N4BP2L1: variants seen among roughly 807,000 people sequenced by gnomAD.
The protein encoded by N4BP2L1 is NEDD4-binding protein 2-like 1.
In N4BP2L1, 12 loss-of-function variants were observed where a neutral mutation model predicts 21.2. The ratio of observed to expected loss-of-function variants is 0.57; its 90% CI spans 0.36 to 0.92. The LOEUF (loss-of-function observed/expected upper bound fraction) is 0.92. N4BP2L1 is among the 40% of genes least tolerant of loss of function. N4BP2L1 has a pLI of 0.01. For missense variants in N4BP2L1, 259 were observed against 310.6 expected (o/e 0.83, Z 1.25); for synonymous variants, 104 against 112.8 (o/e 0.92, Z 0.49).
In N4BP2L1 at chr13:32,427,787, G is replaced by A. The variant is rs1018575102; in HGVS notation, c.179+117C>T. On this transcript the variant is annotated intron_variant, in intron 1 of 4. Coordinates refer to ENST00000380130, the MANE Select transcript of N4BP2L1 (RefSeq NM_052818.3). ...TGGGGCTGGGGCCGGGGCCGCGGCA[G>A]GCACCCGCGGCGGGGGCGCAAGCGG... 7.9e-5 allele frequency: 43 copies of A among 545,396 alleles called. 1 individual carries two copies. The allele number at this position is 545,396 out of a possible 1,614,324, so 33.8% of individuals were successfully genotyped here.
At chr13:32,405,508 TCTAAA>T (rs2073422191) in intron 3 of N4BP2L1, among the ~76,000 whole-genome samples, 2 of 151,794 alleles carry the variant, frequency 1.3e-5, no homozygotes, top group Admixed American at 1.3e-4. Flanking sequence ...AGACTCTCTC[TCTAAA>T]CAAAACAAAA....
Position 32,402,824 on chromosome 13 carries a change from CT to C in N4BP2L1, c.*117del. 3.5e-6 allele frequency: 5 copies of C among 1,440,744 alleles called. No homozygotes were observed. 89.2% of individuals were successfully genotyped at this position (1,440,744 alleles called of 1,614,324 possible). Reference sequence around the variant, plus strand: ...TGAATATAATGACTTTGCTCAGAAACTTTTGAGTTCAGCTATTTACACTGGA... The same window carrying C: ...TGAATATAATGACTTTGCTCAGAAACTTTGAGTTCAGCTATTTACACTGGA... On this transcript the variant is annotated 3_prime_UTR_variant, in exon 5 of 5. Transcript: ENST00000380130.
Position 32,402,816 on chromosome 13 carries a change from C to T in N4BP2L1, c.*126G>A. ...GAAGAAAGTGAATATAATGACTTTG[C>T]TCAGAAACTTTTGAGTTCAGCTATT... On this transcript the variant is annotated 3_prime_UTR_variant, in exon 5 of 5. Coordinates refer to ENST00000380130, the MANE Select transcript of N4BP2L1 (RefSeq NM_052818.3). The T allele has an allele frequency of 7.0e-7, 1 of 1,428,326 alleles. No individual in the cohort carries two copies. The highest frequency in any genetic ancestry group is 9.2e-7 in the Non-Finnish European group (1 of 1,087,830). The allele number at this position is 1,428,326 out of a possible 1,614,324, so 88.5% of individuals were successfully genotyped here.
chr13:32,419,164 G>T (rs1243200124), intron 1 of N4BP2L1, among the ~76,000 whole-genome samples: 2 of 151,292 alleles, frequency 1.3e-5, no homozygotes, highest in Non-Finnish European at 2.9e-5. Flanking sequence ...AATTACCTCC[G>T]ATGGGAGGTA....
At chr13:32,411,421 AGTAGCATGTTGAATAGG>A (rs2073852799) in intron 1 of N4BP2L1, 1 of 619,016 alleles carries the variant, frequency 1.6e-6, no homozygotes, top group African/African-American at 2.0e-5. Context: ...TAGCAGCCAT[AGTAGCATGTTGAATAGG>A]CAGGACAATA....
intron 1 of N4BP2L1, among the ~76,000 whole-genome samples, chr13:32,426,593 T>A (rs2074777792): frequency 6.6e-6 from 1 of 152,146 alleles, no homozygotes; most frequent in African/African-American, 2.4e-5. Context: ...AGGCTGTCCC[T>A]CCTCCTAAGG....
At chr13:32,419,402 T>G (rs1417529250) in intron 1 of N4BP2L1, 1 of 407,440 alleles carries the variant, frequency 2.5e-6, no homozygotes, top group Admixed American at 3.2e-5. Context: ...CTTGCCACCA[T>G]GCTTGGCTAA....
upstream of N4BP2L1, among the ~76,000 whole-genome samples, chr13:32,429,262 G>T (rs2074931992): frequency 6.6e-6 from 1 of 152,204 alleles, no homozygotes; most frequent in Non-Finnish European, 1.5e-5. Context: ...TTCCCCTTGG[G>T]ATTTCCCTCT....
chr13:32,412,835 G>T (rs1040100953), intron 1 of N4BP2L1, among the ~76,000 whole-genome samples: 3 of 152,104 alleles, frequency 2.0e-5, no homozygotes, highest in Non-Finnish European at 4.4e-5. Context: ...ACTCCGCAGG[G>T]CCTGTCATCC....
chr13:32,427,725 G>T (rs1012777750), intron 1 of N4BP2L1, among the ~76,000 whole-genome samples, 179 bp downstream of exon 1: 1 of 151,976 alleles, frequency 6.6e-6, no homozygotes, highest in South Asian at 2.1e-4. Context: ...GAGGGAGGCG[G>T]CTCGGGCTCC....
chr13:32,424,340 G>A (rs118050644), intron 1 of N4BP2L1, among the ~76,000 whole-genome samples: 1,524 of 152,228 alleles, frequency 0.01, 57 homozygotes, highest in Admixed American at 0.075. Context: ...CTCAAGAACC[G>A]TCTCCATGTG....
chr13:32,407,063 T>A (rs527397859), intron 3 of N4BP2L1, 187 bp downstream of exon 3: 9 of 608,384 alleles, frequency 1.5e-5, no homozygotes, highest in South Asian at 1.4e-4. Context: ...GAGATTAGCA[T>A]CTCAGCAAAC....
At chr13:32,412,082 A>G (rs206319) in intron 1 of N4BP2L1, among the ~76,000 whole-genome samples, 46,755 of 151,466 alleles carry the variant, frequency 0.31, 7,373 homozygotes, top group South Asian at 0.39. Context: ...CAGGGACCAA[A>G]CAAGATCCCC....
upstream of N4BP2L1, among the ~76,000 whole-genome samples, chr13:32,428,677 T>C (rs1467538759): frequency 3.3e-5 from 5 of 152,252 alleles, no homozygotes; most frequent in African/African-American, 1.2e-4. Context: ...TAGAAAGCTT[T>C]GTTGCCGCTA....
intron 1 of N4BP2L1, among the ~76,000 whole-genome samples, chr13:32,427,210 G>A (rs2074822112): frequency 6.6e-6 from 1 of 152,232 alleles, no homozygotes; most frequent in Admixed American, 6.5e-5. Flanking sequence ...AGTGACGGTC[G>A]GTGGTGGCGC....
upstream of N4BP2L1, chr13:32,428,205 C>G: frequency 2.0e-6 from 2 of 1,019,156 alleles, no homozygotes; most frequent in Non-Finnish European, 2.6e-6. Context: ...GCTGGGAGCC[C>G]AGCCCCTCCT....
At chr13:32,412,583 T>C (rs1205043863) in intron 1 of N4BP2L1, among the ~76,000 whole-genome samples, 3 of 149,048 alleles carry the variant, frequency 2.0e-5, no homozygotes, top group Non-Finnish European at 4.4e-5. Context: ...GCCAAGACCG[T>C]GCCACTACAC....
intron 1 of N4BP2L1, chr13:32,411,898 G>A (rs1434429942): frequency 2.7e-6 from 1 of 370,070 alleles, no homozygotes; most frequent in Non-Finnish European, 3.7e-6. Flanking sequence ...AAATTTTCAA[G>A]CATGCAAAAG....
chr13:32,407,356 A>G lies in N4BP2L1; in HGVS notation c.308-18T>C. 1.9e-6 allele frequency: 3 copies of G among 1,614,122 alleles called. No individual in the cohort carries two copies. Among genetic ancestry groups the G allele is most frequent in the African/African-American group, 1.3e-5 (1 of 75,032 alleles). ...TTTTCTTGCTGCAACACAATGTTAC[A>G]TAACAGTGAACAACATGCAACAATC... On this transcript the variant is annotated intron_variant, in intron 2 of 4. Transcript: ENST00000380130.
Sources: gnomAD v4.1 joint callset for allele counts (sites outside exome capture counted in the v4.1 genomes callset) on GRCh38, gnomAD v4.1.1 for gene constraint, MANE v1.5 for transcripts, NCBI Gene and HGNC (gene_info 2026-07-23, HGNC 2026-07-21) for gene names.